Variants in TLL2 observed in about 807,000 individuals in gnomAD.
TLL2 encodes tolloid like 2.
Under a neutral mutation model 123.0 loss-of-function variants are expected in TLL2, and 106 were observed. The observed-to-expected ratio is 0.86, with a 90% CI of 0.74 to 1.01. The LOEUF is 1.01. Among genes scored for constraint, TLL2 ranks in the 50% least tolerant of loss-of-function variants. The pLI, the probability that TLL2 is intolerant of heterozygous loss-of-function variation, is 0.00. For missense variants in TLL2, 1,332 were observed against 1,336.7 expected, an observed-to-expected ratio of 1.00 and a Z score of 0.06; for synonymous variants, 494 against 516.8, an observed-to-expected ratio of 0.96 and a Z score of 0.60.
chr10:96,405,460 T>A, intron 9 of TLL2, 126 bp from the exon 10 acceptor site: 1 of 806,126 alleles, frequency 1.2e-6, no homozygotes, highest in Non-Finnish European at 2.1e-6. Context: ...ACGGTAGGAG[T>A]GTTGTCTCAA....
chr10:96,368,024 T>G lies in TLL2; in HGVS notation c.*64A>C. 2 of 1,598,278 alleles carry G rather than the reference T, an allele frequency of 1.3e-6. No individual in the cohort carries two copies. Among genetic ancestry groups the G allele is most frequent in the East Asian group, 4.5e-5 (2 of 44,748 alleles). On this transcript the variant is annotated 3_prime_UTR_variant, in exon 21 of 21. Transcript: ENST00000357947. ...TTTAGGGCAGATTTTCAAGGTGCTA[T>G]TGTTGTTAAAAACAAAACAAAACAA...
intron 2 of TLL2, among the ~76,000 whole-genome samples, chr10:96,454,266 T>G (rs1846989187): frequency 6.6e-6 from 1 of 152,186 alleles, no homozygotes; most frequent in African/African-American, 2.4e-5. Flanking sequence ...CTGGGAGGGC[T>G]CTTCTGAGAT....
intron 18 of TLL2, among the ~76,000 whole-genome samples, chr10:96,374,879 G>A (rs1003967218): frequency 1.4e-5 from 2 of 147,924 alleles, no homozygotes; most frequent in African/African-American, 2.5e-5. Flanking sequence ...CAGCGTCAAG[G>A]GAGATGGGAT....
At position 96,379,322 on chromosome 10, in the gene TLL2, A is replaced by G. The variant is rs567875404; in HGVS notation, c.2195-230T>C. Among the ~76,000 whole-genome samples the G allele has an allele frequency of 7.2e-5, 11 of 152,204 alleles. No homozygotes were observed. In the South Asian group the frequency reaches 2.3e-3, roughly 32 times the overall value. ...GTTGAATTCTCCAAGTACTTTATGTATGTTCTCTGCCCCTGCTCCCTGCTC... is the reference window on the plus strand; with the variant it reads ...GTTGAATTCTCCAAGTACTTTATGTGTGTTCTCTGCCCCTGCTCCCTGCTC... On this transcript the variant is annotated intron_variant, in intron 16 of 20. Coordinates refer to ENST00000357947, the MANE Select transcript of TLL2 (RefSeq NM_012465.4).
chr10:96,411,787 T>C (rs1016286473), intron 8 of TLL2, among the ~76,000 whole-genome samples: 8 of 152,172 alleles, frequency 5.3e-5, no homozygotes, highest in Non-Finnish European at 8.8e-5. Context: ...TACTGGAAGC[T>C]CCACATTTTT....
intron 3 of TLL2, among the ~76,000 whole-genome samples, chr10:96,439,550 T>C (rs1158926258): frequency 6.6e-6 from 1 of 152,198 alleles, no homozygotes; most frequent in Non-Finnish European, 1.5e-5. Flanking sequence ...ATCTGAGGCT[T>C]CCTTCTGTGA....
At chr10:96,407,228 C>G (rs1039292248) in intron 9 of TLL2, among the ~76,000 whole-genome samples, 2 of 152,130 alleles carry the variant, frequency 1.3e-5, no homozygotes, top group Non-Finnish European at 1.5e-5. Flanking sequence ...TGTTCCCTGA[C>G]AGTCCCATGT....
In TLL2 at chr10:96,513,647, C is replaced by CAGT; in HGVS notation, c.36_38dup (p.Leu17dup). The CAGT allele has an allele frequency of 6.3e-7, 1 of 1,586,568 alleles. No individual in the cohort carries two copies. ...CGCGAGGCAGCGGCAGCAGCAGCAG[C>CAGT]AGTGACACCAGGGCCCCAAGTGCAG... On this transcript the variant is annotated inframe_insertion, in exon 1 of 21. Coordinates refer to ENST00000357947, the MANE Select transcript of TLL2 (RefSeq NM_012465.4).
chr10:96,398,985 C>G (rs1846366319), intron 10 of TLL2, among the ~76,000 whole-genome samples: 1 of 149,704 alleles, frequency 6.7e-6, no homozygotes, highest in South Asian at 2.1e-4. Context: ...GATTCTCCTG[C>G]CTCACCCTCC....
rs986224325 is a variant in TLL2 at position 96,469,547 on chromosome 10, G to C, written c.286+10802C>G. Among the ~76,000 whole-genome samples, 12 of 152,086 alleles carry C rather than the reference G, an allele frequency of 7.9e-5. 1 individual carries two copies. Among genetic ancestry groups the C allele is most frequent in the Non-Finnish European group, 1.8e-4 (12 of 68,002 alleles). On this transcript the variant is annotated intron_variant, in intron 2 of 20. Coordinates refer to ENST00000357947, the MANE Select transcript of TLL2 (RefSeq NM_012465.4). ...GCTGGACCCCCACCACCAGCCTCCCGCCTGGGTGACAGCTGTCACCTGGGG... is the reference window on the plus strand; with the variant it reads ...GCTGGACCCCCACCACCAGCCTCCCCCCTGGGTGACAGCTGTCACCTGGGG...
At chr10:96,434,034 C>T (rs1349182934) in intron 3 of TLL2, among the ~76,000 whole-genome samples, 2 of 152,196 alleles carry the variant, frequency 1.3e-5, no homozygotes, top group East Asian at 3.8e-4. Flanking sequence ...CTAGGCCTCC[C>T]AAAGTGCTGG....
intron 2 of TLL2, among the ~76,000 whole-genome samples, chr10:96,476,240 A>ATATATATATATATTCTTT: frequency 4.9e-5 from 1 of 20,502 alleles, no homozygotes; most frequent in Non-Finnish European, 1.0e-4. Context: ...ATATATATAT[A>ATATATATATATATTCTTT]TTTTATTTTT....
At chr10:96,476,475 T>A (rs886584564) in intron 2 of TLL2, among the ~76,000 whole-genome samples, 1 of 151,562 alleles carries the variant, frequency 6.6e-6, no homozygotes, top group African/African-American at 2.4e-5. Flanking sequence ...TTGGCCAGGC[T>A]GGTCTTGAAC....
At chr10:96,474,753 C>T (rs1255697250) in intron 2 of TLL2, among the ~76,000 whole-genome samples, 1 of 152,194 alleles carries the variant, frequency 6.6e-6, no homozygotes, top group African/African-American at 2.4e-5. Flanking sequence ...GAGTGGCTTA[C>T]AACAGAACTC....
chr10:96,421,205 T>C, intron 6 of TLL2, 144 bp from the exon 7 acceptor site: 1 of 620,302 alleles, frequency 1.6e-6, no homozygotes. Context: ...TAGTGGTTCT[T>C]GTTGTTTTTA....
intron 10 of TLL2, among the ~76,000 whole-genome samples, chr10:96,401,173 G>A (rs775132846): frequency 6.6e-6 from 1 of 152,116 alleles, no homozygotes; most frequent in African/African-American, 2.4e-5. Flanking sequence ...AGTCATAAAG[G>A]GTTCATTCAT....
At chr10:96,468,324 G>A (rs1301966530) in intron 2 of TLL2, among the ~76,000 whole-genome samples, 1 of 151,950 alleles carries the variant, frequency 6.6e-6, no homozygotes, top group East Asian at 1.9e-4. Flanking sequence ...TTCAGTAGGG[G>A]ACACTGCAGC....
intron 7 of TLL2, 112 bp from the exon 8 acceptor site, chr10:96,413,428 CT>C (rs1305445723): frequency 1.5e-6 from 2 of 1,349,514 alleles, no homozygotes; most frequent in South Asian, 1.5e-5. Flanking sequence ...TTCCTGCCCC[CT>C]GGCCAGCCTC....
intron 1 of TLL2, among the ~76,000 whole-genome samples, chr10:96,503,916 G>C (rs562859437): frequency 6.6e-6 from 1 of 152,348 alleles, no homozygotes; most frequent in South Asian, 2.1e-4. Context: ...CGTTCACTGG[G>C]GGTGGAGGCA....
Sources: gnomAD v4.1 joint callset for allele counts (sites outside exome capture counted in the v4.1 genomes callset) on GRCh38, gnomAD v4.1.1 for gene constraint, MANE v1.5 for transcripts, NCBI Gene and HGNC (gene_info 2026-07-23, HGNC 2026-07-21) for gene names.